NELL2: variants seen among roughly 807,000 people sequenced by gnomAD.
The protein encoded by NELL2 is protein kinase C-binding protein NELL2.
Under a neutral mutation model 109.6 loss-of-function variants are expected in NELL2, and 41 were observed. That is an observed-to-expected ratio of 0.37 (90% CI 0.29 to 0.49). The LOEUF (loss-of-function observed/expected upper bound fraction) is 0.49. Ranked by LOEUF, NELL2 falls within the 20% of genes least tolerant of loss-of-function variation. The pLI, the probability that NELL2 is intolerant of heterozygous loss-of-function variation, is 0.98. For synonymous variants in NELL2, 355 were observed against 344.7 expected, an observed-to-expected ratio of 1.03 and a Z score of -0.33; for missense variants, 900 against 1,008.3, an observed-to-expected ratio of 0.89 and a Z score of 1.45.
intron 1 of NELL2, among the ~76,000 whole-genome samples, chr12:44,886,395 GTC>G (rs1408700825): frequency 6.6e-6 from 1 of 151,672 alleles, no homozygotes; most frequent in Non-Finnish European, 1.5e-5. Context: ...AAAATTAAAA[GTC>G]AAGCAATAAA....
intron 12 of NELL2, among the ~76,000 whole-genome samples, chr12:44,686,598 G>A (rs1280333457): frequency 6.6e-6 from 1 of 151,588 alleles, no homozygotes; most frequent in Non-Finnish European, 1.5e-5. Context: ...TTTTTGGTGT[G>A]GATGTCCTTT....
chr12:44,729,574 A>AAC (rs1555206438), intron 9 of NELL2, among the ~76,000 whole-genome samples: 2 of 148,566 alleles, frequency 1.3e-5, no homozygotes, highest in African/African-American at 4.9e-5. Flanking sequence ...TAAAAAAAAA[A>AAC]AAAACCAAGA....
In NELL2 at chr12:44,671,761, G is replaced by A. The variant is rs78769441; in HGVS notation, c.1319-6152C>T. Among the ~76,000 whole-genome samples the A allele has an allele frequency of 5.3e-4, 80 of 152,214 alleles. 1 individual carries two copies. The East Asian group carries it at 0.012, about 22-fold the overall frequency. ...AGATCAATAGCAAGTAACAAGACTG[G>A]ATCGGGAATAAAAAGTCTCCCAACA... On this transcript the variant is annotated intron_variant, in intron 12 of 19. Transcript: ENST00000429094.
Position 44,857,025 on chromosome 12 carries a change from T to A in NELL2, c.184+18200A>T, listed in dbSNP as rs1944704207. Among the ~76,000 whole-genome samples, 4 of 152,116 alleles carry A rather than the reference T, an allele frequency of 2.6e-5. No homozygotes were observed. In the South Asian group the frequency reaches 8.3e-4, roughly 32 times the overall value. Reference sequence around the variant, plus strand: ...GATCAGATTACTTTACACAAAAAAATTATAATACAGTGTGGTGGGTATTGT... The same window carrying A: ...GATCAGATTACTTTACACAAAAAAAATATAATACAGTGTGGTGGGTATTGT... On this transcript the variant is annotated intron_variant, in intron 2 of 19. Transcript: ENST00000429094.
At chr12:44,556,652 T>G (rs533917935) in intron 15 of NELL2, among the ~76,000 whole-genome samples, 1 of 152,272 alleles carries the variant, frequency 6.6e-6, no homozygotes, top group African/African-American at 2.4e-5. Context: ...CCAGCTAAGA[T>G]CCAGCTCTCC....
chr12:44,518,245 C>CTT (rs60721930), intron 19 of NELL2, among the ~76,000 whole-genome samples: 10 of 143,266 alleles, frequency 7.0e-5, no homozygotes, highest in Admixed American at 1.4e-4. Flanking sequence ...CATTCAAATA[C>CTT]TTTTTTTTTT....
chr12:44,814,613 G>A (rs930639567), intron 3 of NELL2, among the ~76,000 whole-genome samples: 1 of 152,148 alleles, frequency 6.6e-6, no homozygotes, highest in Non-Finnish European at 1.5e-5. Context: ...TGTTAGGATG[G>A]CACCCTCCCC....
intron 2 of NELL2, among the ~76,000 whole-genome samples, chr12:44,840,911 G>C (rs957818633): frequency 2.0e-5 from 3 of 152,158 alleles, no homozygotes; most frequent in Non-Finnish European, 2.9e-5. Context: ...TATGGTAGTT[G>C]TTTATGTGTG....
rs1324124189 is a variant in NELL2, at chr12:44,698,076, T to C, written c.1318+5650A>G. Reference sequence around the variant, plus strand: ...TCATGTTCACATAGTGTAATTTCCCTATGTGTCTGTATCCAAATTTCTCCT... The same window carrying C: ...TCATGTTCACATAGTGTAATTTCCCCATGTGTCTGTATCCAAATTTCTCCT... On this transcript the variant is annotated intron_variant, in intron 12 of 19. Transcript: ENST00000429094. Among the ~76,000 whole-genome samples, 5 of 152,214 alleles carry C rather than the reference T, an allele frequency of 3.3e-5. No individual in the cohort carries two copies. In the South Asian group the frequency reaches 8.3e-4, roughly 25 times the overall value.
intron 2 of NELL2, among the ~76,000 whole-genome samples, chr12:44,816,987 G>A (rs1943374536): frequency 6.6e-6 from 1 of 152,196 alleles, no homozygotes; most frequent in Non-Finnish European, 1.5e-5. Context: ...GAAGATTGAC[G>A]AGAGATAGAC....
At chr12:44,742,586 G>A (rs1940050877) in intron 9 of NELL2, among the ~76,000 whole-genome samples, 1 of 152,158 alleles carries the variant, frequency 6.6e-6, no homozygotes, top group Non-Finnish European at 1.5e-5. Context: ...TGGATAACTA[G>A]AACAACCAAT....
At chr12:44,797,911 A>AATG (rs1267107044) in intron 3 of NELL2, among the ~76,000 whole-genome samples, 2 of 66,674 alleles carry the variant, frequency 3.0e-5, no homozygotes, top group African/African-American at 7.5e-5. Context: ...TCCTAGATGG[A>AATG]ATGATGGAAT....
chr12:44,779,711 G>C lies in NELL2; in HGVS notation c.558C>G (p.Gly186=), dbSNP rs1347805569. The change falls in exon 5 of 20, where the codon GGC becomes GGG. Residue 186 remains glycine (G), a synonymous_variant. Coordinates refer to ENST00000429094, the MANE Select transcript of NELL2 (RefSeq NM_001145108.2). ...TTCTCTGTCCTAGCCAAAATGTTGT[G>C]CCTAGAGGCAAGTCTGTGGAGGGCT... ...VEKPSTDLPL[G]TTFWLGQRNN... is the part of the protein sequence containing the mutation. The C allele has an allele frequency of 6.2e-7, 1 of 1,613,942 alleles. No individual in the cohort carries two copies. Among genetic ancestry groups the C allele is most frequent in the Admixed American group, 1.7e-5 (1 of 59,998 alleles).
At chr12:44,870,881 A>T (rs1053638702) in intron 2 of NELL2, among the ~76,000 whole-genome samples, 2 of 152,188 alleles carry the variant, frequency 1.3e-5, no homozygotes, top group Non-Finnish European at 2.9e-5. Flanking sequence ...GGTTCCAAGA[A>T]TTAAGACATG....
intron 3 of NELL2, among the ~76,000 whole-genome samples, chr12:44,802,336 T>A (rs982399309): frequency 2.6e-5 from 4 of 152,262 alleles, no homozygotes; most frequent in African/African-American, 9.6e-5. Flanking sequence ...ATTTCACTTA[T>A]TGCTTATCAA....
intron 2 of NELL2, among the ~76,000 whole-genome samples, chr12:44,858,876 G>A (rs573463494): frequency 3.3e-5 from 5 of 152,268 alleles, no homozygotes; most frequent in East Asian, 1.9e-4. Context: ...TAACCAGAAT[G>A]ATAAGTACTT....
intron 17 of NELL2, 143 bp from the exon 18 acceptor site, chr12:44,522,319 A>G: frequency 1.5e-6 from 1 of 681,664 alleles, no homozygotes; most frequent in South Asian, 3.4e-5. Context: ...AATTTTCTTT[A>G]GCATTTCTTT....
At chr12:44,607,331 G>T in intron 14 of NELL2, 67 bp from the exon 15 acceptor site, 1 of 1,243,034 alleles carries the variant, frequency 8.0e-7, no homozygotes, top group Non-Finnish European at 1.1e-6. Flanking sequence ...TCCAAACCTA[G>T]CTTTTCATTA....
At chr12:44,549,480 T>C (rs1942939692) in intron 15 of NELL2, among the ~76,000 whole-genome samples, 1 of 152,198 alleles carries the variant, frequency 6.6e-6, no homozygotes, top group Admixed American at 6.5e-5. Flanking sequence ...AATAAACTTC[T>C]ATTGTATTTG....
Sources: gnomAD v4.1 joint callset for allele counts (sites outside exome capture counted in the v4.1 genomes callset) on GRCh38, gnomAD v4.1.1 for gene constraint, MANE v1.5 for transcripts, NCBI Gene and HGNC (gene_info 2026-07-23, HGNC 2026-07-21) for gene names.